The following LRFN2 variants were observed in gnomAD, a reference collection of about 807,000 sequenced individuals.
The protein encoded by LRFN2 is leucine rich repeat and fibronectin type III domain containing 2.
A neutral mutation model predicts 37.3 loss-of-function variants in LRFN2; 18 were observed. That is an observed-to-expected ratio of 0.48 (90% confidence interval 0.33 to 0.72). The LOEUF (loss-of-function observed/expected upper bound fraction) is 0.72. Ranked by LOEUF, LRFN2 falls within the 30% of genes least tolerant of loss-of-function variation. The probability of loss-of-function intolerance (pLI) is 0.02; values close to 1 mark genes in which losing one functional copy is unlikely to be tolerated. For missense variants in LRFN2, 1,006 were observed against 1,060.7 expected (o/e 0.95, Z 0.72); for synonymous variants, 556 against 466.6 (o/e 1.19, Z -2.47).
At chr6:40,572,850 A>C (rs566293386) in intron 1 of LRFN2, among the ~76,000 whole-genome samples, 79 of 152,312 alleles carry the variant, frequency 5.2e-4, no homozygotes, top group African/African-American at 1.8e-3. Context: ...GCAGGTGGGC[A>C]TGTTCATTCT....
intron 1 of LRFN2, among the ~76,000 whole-genome samples, chr6:40,464,738 C>A (rs1448984592): frequency 6.6e-6 from 1 of 152,092 alleles, no homozygotes; most frequent in Non-Finnish European, 1.5e-5. Context: ...AGTCAGTGGG[C>A]TATGGAAGAC....
At chr6:40,490,486 TGCAGAAGGAC>T (rs2113869417) in intron 1 of LRFN2, among the ~76,000 whole-genome samples, 1 of 152,294 alleles carries the variant, frequency 6.6e-6, no homozygotes, top group East Asian at 1.9e-4. Flanking sequence ...GTGGCTATCC[TGCAGAAGGAC>T]CCCCAGGGGA....
chr6:40,494,361 T>G lies in LRFN2; in HGVS notation c.-18-61230A>C, dbSNP rs144280883. Among the ~76,000 whole-genome samples the G allele has an allele frequency of 2.2e-3, 332 of 152,288 alleles. 1 individual carries two copies. The highest frequency in any genetic ancestry group is 7.4e-3 in the African/African-American group (308 of 41,554). ...GCGGAGGTGAGAGCAAGGGGCTTAG[T>G]TTCCCCACCCCCGTTTCCAAAAGGT... On this transcript the variant is annotated intron_variant, in intron 1 of 2. Transcript: ENST00000338305.
At chr6:40,507,923 T>C (rs1765589637) in intron 1 of LRFN2, among the ~76,000 whole-genome samples, 1 of 152,220 alleles carries the variant, frequency 6.6e-6, no homozygotes, top group Non-Finnish European at 1.5e-5. Context: ...GTGTGCCTTT[T>C]ATGACATTGT....
intron 1 of LRFN2, among the ~76,000 whole-genome samples, chr6:40,539,475 G>A (rs1766512838): frequency 1.3e-5 from 2 of 152,228 alleles, no homozygotes; most frequent in Admixed American, 1.3e-4. Context: ...AAGCTTCCAG[G>A]TTCAATTCAT....
At chr6:40,571,119 C>G (rs908824081) in intron 1 of LRFN2, among the ~76,000 whole-genome samples, 4 of 152,176 alleles carry the variant, frequency 2.6e-5, no homozygotes, top group Non-Finnish European at 5.9e-5. Context: ...AGTCACAGGA[C>G]CATCATGGTG....
At chr6:40,525,491 G>A (rs1426983607) in intron 1 of LRFN2, among the ~76,000 whole-genome samples, 2 of 152,198 alleles carry the variant, frequency 1.3e-5, no homozygotes, top group Admixed American at 6.5e-5. Flanking sequence ...GTACAGACTT[G>A]AGGATCCCCA....
chr6:40,449,061 A>C (rs1433734), intron 1 of LRFN2, among the ~76,000 whole-genome samples: 132,862 of 152,180 alleles, frequency 0.87, 58,229 homozygotes, highest in Non-Finnish European at 0.91. Context: ...TCCCTAATAC[A>C]CATTTTCCTG....
chr6:40,470,337 C>A (rs180906994), intron 1 of LRFN2, among the ~76,000 whole-genome samples: 3 of 152,178 alleles, frequency 2.0e-5, no homozygotes, highest in African/African-American at 7.2e-5. Context: ...TGTGGCTGGG[C>A]GCAGTGGCTC....
intron 1 of LRFN2, among the ~76,000 whole-genome samples, chr6:40,437,654 A>G (rs1295605070): frequency 6.6e-6 from 1 of 152,212 alleles, no homozygotes; most frequent in Non-Finnish European, 1.5e-5. Flanking sequence ...CTGTCACTTA[A>G]TATGTTGTTC....
chr6:40,436,929 G>A (rs764731827), intron 1 of LRFN2, among the ~76,000 whole-genome samples: 9 of 152,102 alleles, frequency 5.9e-5, no homozygotes, highest in Non-Finnish European at 1.0e-4. Flanking sequence ...CTATACCCAC[G>A]AGAGCACATG....
intron 1 of LRFN2, among the ~76,000 whole-genome samples, chr6:40,478,047 A>C (rs1764746285): frequency 6.6e-6 from 1 of 152,208 alleles, no homozygotes; most frequent in Non-Finnish European, 1.5e-5. Flanking sequence ...AAGTGGCAGC[A>C]TCAGGGCGGG....
chr6:40,577,091 T>TCC (rs1489803666), intron 1 of LRFN2, among the ~76,000 whole-genome samples: 2 of 136,242 alleles, frequency 1.5e-5, no homozygotes, highest in East Asian at 4.1e-4. Flanking sequence ...TTCTTTTCTT[T>TCC]TCTTTTCTTT....
At chr6:40,431,341 T>C (rs1458728383) in intron 2 of LRFN2, among the ~76,000 whole-genome samples, 4 of 152,318 alleles carry the variant, frequency 2.6e-5, no homozygotes, top group East Asian at 1.9e-4. Context: ...AATGCATGCC[T>C]CTTTTGGGGA....
intron 1 of LRFN2, among the ~76,000 whole-genome samples, chr6:40,494,946 TC>T (rs1470091313): frequency 6.6e-6 from 1 of 152,138 alleles, no homozygotes; most frequent in Non-Finnish European, 1.5e-5. Flanking sequence ...TGGACTTATC[TC>T]CTTCCTTCAT....
At chr6:40,459,793 T>C (rs527431213) in intron 1 of LRFN2, among the ~76,000 whole-genome samples, 1 of 152,332 alleles carries the variant, frequency 6.6e-6, no homozygotes, top group East Asian at 1.9e-4. Flanking sequence ...AGGGAGGACC[T>C]TTTAATGAGA....
At chr6:40,533,374 AACACACACAC>A (rs58462773) in intron 1 of LRFN2, among the ~76,000 whole-genome samples, 2,493 of 143,056 alleles carry the variant, frequency 0.017, 24 homozygotes, top group Middle Eastern at 0.025. Context: ...TCTTGCTCAA[AACACACACAC>A]ACACACACAC....
intron 1 of LRFN2, among the ~76,000 whole-genome samples, chr6:40,547,389 G>A (rs1004987871): frequency 1.3e-5 from 2 of 152,116 alleles, no homozygotes; most frequent in Admixed American, 1.3e-4. Context: ...ATAGGTGTGA[G>A]CCATCGCGCC....
chr6:40,411,968 G>A (rs1762978317), intron 2 of LRFN2, among the ~76,000 whole-genome samples: 1 of 152,072 alleles, frequency 6.6e-6, no homozygotes, highest in African/African-American at 2.4e-5. Context: ...GCATTTCTTT[G>A]CTAGCATAGC....
Sources: allele counts gnomAD v4.1 joint callset (sites outside exome capture counted in the v4.1 genomes callset), GRCh38; gene constraint gnomAD v4.1.1; transcripts MANE v1.5; gene names NCBI Gene and HGNC (gene_info 2026-07-23, HGNC 2026-07-21).